Variants in TAFA1 observed in about 807,000 individuals in gnomAD.
TAFA1 encodes the protein chemokine-like protein TAFA-1.
A neutral mutation model predicts 18.5 loss-of-function variants in TAFA1; 4 were observed. That is an observed-to-expected ratio of 0.22 (90% CI 0.11 to 0.49). The LOEUF is 0.49. Among genes scored for constraint, TAFA1 ranks in the 20% least tolerant of loss-of-function variants. The pLI, the probability that TAFA1 is intolerant of heterozygous loss-of-function variation, is 0.98. For missense variants in TAFA1, 147 were observed against 169.0 expected, an observed-to-expected ratio of 0.87 and a Z score of 0.72; for synonymous variants, 56 against 55.2, an observed-to-expected ratio of 1.01 and a Z score of -0.06.
chr3:68,113,292 G>A (rs563944222), intron 2 of TAFA1, among the ~76,000 whole-genome samples: 1 of 152,326 alleles, frequency 6.6e-6, no homozygotes, highest in East Asian at 1.9e-4. Context: ...TCAAGAGAAA[G>A]GTGGTGCTGC....
intron 2 of TAFA1, among the ~76,000 whole-genome samples, chr3:68,353,399 C>T (rs1052912342): frequency 1.3e-5 from 2 of 152,026 alleles, no homozygotes; most frequent in Non-Finnish European, 2.9e-5. Context: ...CTCACCTTAT[C>T]GGTTTATGTT....
chr3:68,375,745 T>G (rs934175575), intron 2 of TAFA1, among the ~76,000 whole-genome samples: 1 of 152,222 alleles, frequency 6.6e-6, no homozygotes, highest in Non-Finnish European at 1.5e-5. Flanking sequence ...CTACATAGTT[T>G]ACATACACAA....
intron 2 of TAFA1, among the ~76,000 whole-genome samples, chr3:68,295,388 C>A (rs964206537): frequency 6.6e-6 from 1 of 151,494 alleles, no homozygotes. Context: ...TTTATCTTGA[C>A]TCTAAGTTCT....
rs546135668 is a variant in TAFA1, at chr3:68,329,174, G to A, written c.119-88106G>A. 1.2e-4 allele frequency among the ~76,000 whole-genome samples: 17 copies of A among 145,316 alleles called. No individual in the cohort carries two copies. In the South Asian group the frequency reaches 3.6e-3, roughly 30 times the overall value. On this transcript the variant is annotated intron_variant, in intron 2 of 4. Coordinates refer to ENST00000478136, the MANE Select transcript of TAFA1 (RefSeq NM_213609.4). ...AGCAATTCTTTTGCCTCAGCCTCCT[G>A]AGTAGCTGGGATTACAGGTGTGCAC... is the stretch of plus-strand genomic sequence containing the variant.
At chr3:68,031,602 T>G (rs1704936438) in intron 2 of TAFA1, among the ~76,000 whole-genome samples, 1 of 152,192 alleles carries the variant, frequency 6.6e-6, no homozygotes, top group Admixed American at 6.6e-5. Flanking sequence ...GTCATTTCCA[T>G]TTGCTGAAAT....
intron 2 of TAFA1, among the ~76,000 whole-genome samples, chr3:68,254,055 TTCTGTCTA>T (rs1332471627): frequency 6.6e-6 from 1 of 152,078 alleles, no homozygotes; most frequent in East Asian, 1.9e-4. Context: ...AACTCTGTGT[TTCTGTCTA>T]TCTGTCTGTC....
At chr3:68,007,168 A>G (rs1704372638) in intron 2 of TAFA1, among the ~76,000 whole-genome samples, 1 of 152,198 alleles carries the variant, frequency 6.6e-6, no homozygotes, top group African/African-American at 2.4e-5. Context: ...TGTCAATGAA[A>G]AAGAAATTAA....
intron 2 of TAFA1, among the ~76,000 whole-genome samples, chr3:68,114,447 C>T (rs777198712): frequency 2.4e-4 from 36 of 152,206 alleles, no homozygotes; most frequent in Non-Finnish European, 4.0e-4. Context: ...AAATAAGTTA[C>T]TTCACAAAAG....
intron 2 of TAFA1, among the ~76,000 whole-genome samples, chr3:68,079,260 C>G (rs1379321498): frequency 6.6e-6 from 1 of 152,154 alleles, no homozygotes; most frequent in Admixed American, 6.5e-5. Flanking sequence ...TTTCAAAAAA[C>G]CAGCTCCTGG....
intron 3 of TAFA1, among the ~76,000 whole-genome samples, chr3:68,469,771 T>G (rs2071960616): frequency 6.6e-6 from 1 of 152,172 alleles, no homozygotes; most frequent in Admixed American, 6.5e-5. Context: ...TTAGATAACT[T>G]GTATTCAAAT....
intron 2 of TAFA1, among the ~76,000 whole-genome samples, chr3:68,138,640 A>G (rs2065635109): frequency 6.6e-6 from 1 of 152,212 alleles, no homozygotes; most frequent in South Asian, 2.1e-4. Flanking sequence ...CTGATGGAAC[A>G]TGAGACAAGT....
At chr3:68,131,797 T>C (rs2106882893) in intron 2 of TAFA1, among the ~76,000 whole-genome samples, 1 of 152,322 alleles carries the variant, frequency 6.6e-6, no homozygotes, top group African/African-American at 2.4e-5. Context: ...TTAGCAGACG[T>C]AGAATGGGGT....
intron 2 of TAFA1, among the ~76,000 whole-genome samples, chr3:68,287,132 C>T (rs556052512): frequency 2.6e-5 from 4 of 152,304 alleles, no homozygotes; most frequent in East Asian, 1.9e-4. Context: ...TGCCAAGTCT[C>T]GGCCCTCAGT....
intron 2 of TAFA1, among the ~76,000 whole-genome samples, chr3:68,323,432 C>A (rs1298352510): frequency 2.6e-5 from 4 of 152,148 alleles, no homozygotes; most frequent in Non-Finnish European, 5.9e-5. Flanking sequence ...CCAAACCAAA[C>A]CAAATAAAAC....
intron 2 of TAFA1, among the ~76,000 whole-genome samples, chr3:68,078,185 C>G (rs1305978530): frequency 6.6e-6 from 1 of 152,050 alleles, no homozygotes; most frequent in African/African-American, 2.4e-5. Context: ...TGCTGAAGTT[C>G]CTTATCAGCT....
chr3:68,323,418 G>GAAACC (rs1224213962), intron 2 of TAFA1, among the ~76,000 whole-genome samples: 1 of 152,288 alleles, frequency 6.6e-6, no homozygotes, highest in Non-Finnish European at 1.5e-5. Flanking sequence ...AGGGGAATTA[G>GAAACC]AAACCAAACC....
At chr3:68,496,085 A>G (rs943076276) in intron 3 of TAFA1, among the ~76,000 whole-genome samples, 5 of 151,048 alleles carry the variant, frequency 3.3e-5, no homozygotes, top group Non-Finnish European at 7.4e-5. Context: ...TGGCTAAAGG[A>G]TACCAAAAGT....
At chr3:68,171,560 AC>A (rs1219481382) in intron 2 of TAFA1, among the ~76,000 whole-genome samples, 7 of 152,158 alleles carry the variant, frequency 4.6e-5, no homozygotes, top group Admixed American at 4.6e-4. Context: ...CAAAAAAGAA[AC>A]GTATGGCCCA....
chr3:68,000,176 T>C (rs1376218097), upstream of TAFA1, among the ~76,000 whole-genome samples: 1 of 152,234 alleles, frequency 6.6e-6, no homozygotes, highest in African/African-American at 2.4e-5. Context: ...TTTATTATTA[T>C]TCATTTAGTC....
Sources: allele counts gnomAD v4.1 joint callset (sites outside exome capture counted in the v4.1 genomes callset), GRCh38; gene constraint gnomAD v4.1.1; transcripts MANE v1.5; gene names NCBI Gene and HGNC (gene_info 2026-07-23, HGNC 2026-07-21).